NECTIN2: variants seen among roughly 807,000 people sequenced by gnomAD.
The protein encoded by NECTIN2 is nectin-2.
A neutral mutation model predicts 56.9 loss-of-function variants in NECTIN2; 23 were observed. The ratio of observed to expected loss-of-function variants is 0.40; its 90% CI spans 0.29 to 0.57. The LOEUF is 0.57. Ranked by LOEUF, NECTIN2 falls within the 20% of genes least tolerant of loss-of-function variation. NECTIN2 has a pLI of 0.38. For synonymous variants in NECTIN2, 302 were observed against 313.8 expected, an observed-to-expected ratio of 0.96 and a Z score of 0.40; for missense variants, 587 against 718.3, an observed-to-expected ratio of 0.82 and a Z score of 2.09.
chr19:44,868,869 G>A (rs542185609), intron 2 of NECTIN2, among the ~76,000 whole-genome samples: 39 of 150,892 alleles, frequency 2.6e-4, no homozygotes, highest in African/African-American at 8.8e-4. Context: ...CCGAGATCGC[G>A]CCACTATACT....
chr19:44,857,910 G>A (rs1459981788), intron 1 of NECTIN2, among the ~76,000 whole-genome samples: 1 of 152,110 alleles, frequency 6.6e-6, no homozygotes, highest in Non-Finnish European at 1.5e-5. Flanking sequence ...AATTTACATT[G>A]AAACAGCATA....
At chr19:44,850,719 C>T (rs1001568985) in intron 1 of NECTIN2, among the ~76,000 whole-genome samples, 23 of 152,170 alleles carry the variant, frequency 1.5e-4, no homozygotes, top group Admixed American at 1.4e-3. Flanking sequence ...AGACAGACAG[C>T]CCTACATCCT....
chr19:44,848,588 C>A (rs1221546574), intron 1 of NECTIN2, among the ~76,000 whole-genome samples: 1 of 152,084 alleles, frequency 6.6e-6, no homozygotes, highest in African/African-American at 2.4e-5. Flanking sequence ...GAGCTGTCGG[C>A]CCCTTTCTTG....
chr19:44,882,827 G>A (rs1488680127), intron 6 of NECTIN2, among the ~76,000 whole-genome samples: 1 of 147,264 alleles, frequency 6.8e-6, no homozygotes, highest in Non-Finnish European at 1.5e-5. Flanking sequence ...TGTCACCGAG[G>A]CTGGAATACA....
intron 5 of NECTIN2, among the ~76,000 whole-genome samples, chr19:44,877,997 G>A (rs1969259041): frequency 1.3e-5 from 2 of 152,064 alleles, no homozygotes; most frequent in Admixed American, 1.3e-4. Flanking sequence ...CTTGTACAAA[G>A]TGGTGCTCAG....
At chr19:44,873,060 C>G (rs11671274) in intron 3 of NECTIN2, among the ~76,000 whole-genome samples, 7,803 of 151,922 alleles carry the variant, frequency 0.051, 215 homozygotes, top group South Asian at 0.092. Flanking sequence ...CCCTGGCACT[C>G]TTCACACAGA....
At position 44,872,009 on chromosome 19, in the gene NECTIN2, C is replaced by G. The variant is rs1969180433; in HGVS notation, c.635C>G (p.Thr212Ser). 3.7e-6 allele frequency: 6 copies of G among 1,614,054 alleles called. No homozygotes were observed. The highest frequency in any genetic ancestry group is 5.1e-6 in the Non-Finnish European group (6 of 1,180,046). ...WEAKETQVSG[T>S]LAGTVTVTSR... The stretch of plus-strand genomic sequence containing the variant: ...GCCAAAGAGACTCAGGTGTCAGGGA[C>G]CCTGGCCGGAACTGTCACTGTCACC... The change falls in exon 3 of 9, where the codon ACC (threonine) becomes AGC (serine). Residue 212 changes from threonine (T) to serine (S), a missense_variant. Transcript: ENST00000252483.
At chr19:44,882,651 A>G (rs1969320216) in intron 6 of NECTIN2, among the ~76,000 whole-genome samples, 1 of 137,478 alleles carries the variant, frequency 7.3e-6, no homozygotes, top group African/African-American at 2.7e-5. Flanking sequence ...CAGGAATTTG[A>G]GCCCAGTCTG....
intron 2 of NECTIN2, among the ~76,000 whole-genome samples, chr19:44,869,158 C>T (rs1969141026): frequency 6.6e-6 from 1 of 151,900 alleles, no homozygotes; most frequent in Non-Finnish European, 1.5e-5. Flanking sequence ...TCTTCTTGTG[C>T]AATCATTTGT....
chr19:44,859,981 A>C (rs1423459227), intron 1 of NECTIN2, among the ~76,000 whole-genome samples: 2 of 152,234 alleles, frequency 1.3e-5, no homozygotes, highest in African/African-American at 4.8e-5. Context: ...CTGAATGGAT[A>C]AACAAAATGT....
At chr19:44,848,438 G>A (rs568742721) in intron 1 of NECTIN2, among the ~76,000 whole-genome samples, 2 of 152,256 alleles carry the variant, frequency 1.3e-5, no homozygotes, top group East Asian at 3.9e-4. Context: ...CCCCGCACCG[G>A]GTGGGCTCCA....
chr19:44,877,304 T>A (rs897060041), intron 5 of NECTIN2, among the ~76,000 whole-genome samples: 1 of 151,994 alleles, frequency 6.6e-6, no homozygotes, highest in African/African-American at 2.4e-5. Context: ...ATGGGGGAAG[T>A]GGATGTGGGT....
chr19:44,873,996 C>A lies in NECTIN2; in HGVS notation c.856C>A (p.Arg286Ser). Reference sequence around the variant, plus strand: ...TGATGCCACCCTGAGCTGTGACGTCCGCAGCAACCCAGAGCCCACGGGCTA... The same window carrying A: ...TGATGCCACCCTGAGCTGTGACGTCAGCAGCAACCCAGAGCCCACGGGCTA... ...RTDATLSCDV[R>S]SNPEPTGYDW... The change falls in exon 4 of 9, where the codon CGC (arginine) becomes AGC (serine). Residue 286 changes from arginine to serine, a missense_variant. By Grantham distance (110) the Arg-to-Ser change is moderately radical. Coordinates refer to ENST00000252483, the MANE Select transcript of NECTIN2 (RefSeq NM_001042724.2). The A allele has an allele frequency of 1.2e-6, 2 of 1,613,926 alleles. No homozygotes were observed. Among genetic ancestry groups the A allele is most frequent in the Non-Finnish European group, 1.7e-6 (2 of 1,179,986 alleles).
At chr19:44,880,461 T>G (rs1969295694) in intron 5 of NECTIN2, among the ~76,000 whole-genome samples, 1 of 148,174 alleles carries the variant, frequency 6.7e-6, no homozygotes, top group Non-Finnish European at 1.5e-5. Flanking sequence ...TCTCGACCCC[T>G]TTTCCTGTCT....
In NECTIN2 at chr19:44,879,290, T is replaced by C. The variant is rs182206370; in HGVS notation, c.1043-2921T>C. 3.0e-4 allele frequency among the ~76,000 whole-genome samples: 46 copies of C among 151,732 alleles called. No individual in the cohort carries two copies. In the East Asian group the frequency reaches 8.2e-3, roughly 27 times the overall value. ...AGGAGTTCTCTGGACTCCTGGGCCCTCGGGTGGAGGTGGGGGTGGGGACAG... is the reference window on the plus strand; with the variant it reads ...AGGAGTTCTCTGGACTCCTGGGCCCCCGGGTGGAGGTGGGGGTGGGGACAG... On this transcript the variant is annotated intron_variant, in intron 5 of 8. Transcript: ENST00000252483.
intron 1 of NECTIN2, among the ~76,000 whole-genome samples, chr19:44,852,459 C>A (rs1250621337): frequency 6.7e-6 from 1 of 148,456 alleles, no homozygotes; most frequent in Non-Finnish European, 1.5e-5. Flanking sequence ...ACATGGTAGC[C>A]ACCACCTGTA....
intron 1 of NECTIN2, among the ~76,000 whole-genome samples, chr19:44,855,796 G>A (rs1018190206): frequency 3.3e-5 from 5 of 152,206 alleles, no homozygotes; most frequent in African/African-American, 4.8e-5. Flanking sequence ...AGGCCCTGTT[G>A]TAGGTGCTGG....
chr19:44,878,486 A>AAGGATGAGG (rs1969268957), intron 5 of NECTIN2: 2 of 1,613,272 alleles, frequency 1.2e-6, no homozygotes, highest in African/African-American at 2.7e-5. Context: ...ACCAGATGGC[A>AAGGATGAGG]AGGATGAGGA....
intron 1 of NECTIN2, among the ~76,000 whole-genome samples, chr19:44,852,279 A>G (rs1383176926): frequency 6.6e-6 from 1 of 152,030 alleles, no homozygotes; most frequent in Non-Finnish European, 1.5e-5. Context: ...CCTCCCAAGT[A>G]GTGGGGATTA....
Sources: allele counts gnomAD v4.1 joint callset (sites outside exome capture counted in the v4.1 genomes callset), GRCh38; gene constraint gnomAD v4.1.1; transcripts MANE v1.5; gene names NCBI Gene and HGNC (gene_info 2026-07-23, HGNC 2026-07-21).